TET2: variants seen among roughly 807,000 people sequenced by gnomAD.
TET2 encodes tet methylcytosine dioxygenase 2, also known as methylcytosine dioxygenase TET2.
A neutral mutation model predicts 142.9 loss-of-function variants in TET2; 299 were observed. The observed-to-expected ratio is 2.09, with a 90% confidence interval of 1.90 to 2.30. The LOEUF (loss-of-function observed/expected upper bound fraction) is 2.30. Among genes scored for constraint, TET2 ranks in the 30% most tolerant of loss-of-function variants. The pLI is 0.00. For synonymous variants in TET2, 819 were observed against 849.0 expected, an observed-to-expected ratio of 0.96 and a Z score of 0.61; for missense variants, 2,418 against 2,378.0, an observed-to-expected ratio of 1.02 and a Z score of -0.35.
intron 2 of TET2, among the ~76,000 whole-genome samples, chr4:105,202,919 T>G (rs1383779201): frequency 6.6e-6 from 1 of 152,208 alleles, no homozygotes; most frequent in Non-Finnish European, 1.5e-5. Flanking sequence ...ATATAAACAT[T>G]TCCTGGAACA....
chr4:105,205,900 C>T (rs1353574184), intron 2 of TET2, among the ~76,000 whole-genome samples: 2 of 152,194 alleles, frequency 1.3e-5, no homozygotes, highest in Non-Finnish European at 2.9e-5. Flanking sequence ...TCCTAAAGTG[C>T]TAGGATTACA....
rs1313045419 is a variant in TET2 at position 105,261,767 on chromosome 4, A to G, written c.3963A>G (p.Lys1321=). ...LLGDDPKEEE[K]LESHLQNLST... ...TTATTCACTTTATACAGGAAGAGAA[A>G]CTGGAGTCTCATTTGCAAAACCTGT... Residue 1321 remains lysine, a synonymous_variant, in exon 8 of 11, where the codon AAA becomes AAG. Coordinates refer to ENST00000380013, the MANE Select transcript of TET2 (RefSeq NM_001127208.3). 6.5e-6 allele frequency: 10 copies of G among 1,544,094 alleles called. No individual in the cohort carries two copies. Among genetic ancestry groups the G allele is most frequent in the Non-Finnish European group, 7.9e-6 (9 of 1,141,186 alleles).
chr4:105,197,360 A>C (rs1170270311), intron 2 of TET2, among the ~76,000 whole-genome samples: 2 of 152,262 alleles, frequency 1.3e-5, no homozygotes, highest in Non-Finnish European at 2.9e-5. Flanking sequence ...TGAGAAATAC[A>C]TGAATACAGA....
intron 1 of TET2, among the ~76,000 whole-genome samples, chr4:105,174,023 A>G (rs753137071): frequency 3.9e-5 from 6 of 152,234 alleles, no homozygotes; most frequent in Non-Finnish European, 8.8e-5. Context: ...CCCTATCAAC[A>G]TATATATTAA....
rs61328453 is a variant in TET2 at position 105,278,171 on chromosome 4, CATATATATATATATATAT to C, written c.*1667_*1684del. 11 of 114,130 alleles carry C rather than the reference CATATATATATATATATAT, an allele frequency of 9.6e-5. No homozygotes were observed. The highest frequency in any genetic ancestry group is 2.8e-4 in the South Asian group (1 of 3,590). The allele number at this position is 114,130 out of a possible 1,614,324, so 7.1% of individuals were successfully genotyped here. On this transcript the variant is annotated 3_prime_UTR_variant, in exon 11 of 11. Transcript: ENST00000380013. ...GTACTGTAAAAAAATTAAATATATA[CATATATATATATATATAT>C]ATATATATATATATGAGTTTGAAGC...
At chr4:105,244,584 A>AT (rs1237638072) in intron 6 of TET2, among the ~76,000 whole-genome samples, 9 of 116,712 alleles carry the variant, frequency 7.7e-5, no homozygotes, top group African/African-American at 1.4e-4. Flanking sequence ...CTACACAGAA[A>AT]TGTTTTTTTT....
chr4:105,211,753 G>A (rs1336297503), intron 2 of TET2, among the ~76,000 whole-genome samples: 1 of 152,118 alleles, frequency 6.6e-6, no homozygotes, highest in Non-Finnish European at 1.5e-5. Flanking sequence ...AGGCATAGAG[G>A]CAGAAGATGC....
chr4:105,271,246 A>G (rs931837914), intron 9 of TET2, among the ~76,000 whole-genome samples: 1 of 152,208 alleles, frequency 6.6e-6, no homozygotes, highest in Non-Finnish European at 1.5e-5. Flanking sequence ...GAACAAACAC[A>G]AGGCCTACCA....
At chr4:105,272,003 C>G (rs2726520) in intron 9 of TET2, among the ~76,000 whole-genome samples, 65,247 of 151,904 alleles carry the variant, frequency 0.43, 14,670 homozygotes, top group Non-Finnish European at 0.52. Context: ...TCAGCCAAAT[C>G]TTTACCTTTT....
chr4:105,240,845 A>C, intron 3 of TET2: 1 of 1,079,580 alleles, frequency 9.3e-7, no homozygotes, highest in South Asian at 4.5e-5. Flanking sequence ...AACAGCAATT[A>C]AATGTTATAG....
chr4:105,222,533 A>C (rs1727901953), intron 2 of TET2, among the ~76,000 whole-genome samples: 1 of 152,170 alleles, frequency 6.6e-6, no homozygotes, highest in Admixed American at 6.5e-5. Flanking sequence ...GTGTCTGTTC[A>C]TGTGCTTCGC....
chr4:105,237,629 T>G, intron 3 of TET2: 1 of 1,443,498 alleles, frequency 6.9e-7, no homozygotes, highest in Non-Finnish European at 9.1e-7. Flanking sequence ...ATGTATCTGT[T>G]TTAGATCAAT....
chr4:105,271,023 ACT>A (rs966962648), intron 9 of TET2, among the ~76,000 whole-genome samples: 4 of 151,744 alleles, frequency 2.6e-5, no homozygotes, highest in Non-Finnish European at 4.4e-5. Context: ...AGATTGGAAA[ACT>A]CTTCTCTATA....
intron 6 of TET2, among the ~76,000 whole-genome samples, chr4:105,256,441 G>C (rs922670475): frequency 2.6e-5 from 4 of 151,962 alleles, no homozygotes; most frequent in African/African-American, 9.7e-5. Context: ...CTGCCTTCTG[G>C]TCTTCATTGT....
chr4:105,211,672 G>A (rs992809990), intron 2 of TET2, among the ~76,000 whole-genome samples: 1 of 152,172 alleles, frequency 6.6e-6, no homozygotes, highest in Non-Finnish European at 1.5e-5. Context: ...AGGCTGTAAG[G>A]TGGAGGTGAA....
At chr4:105,260,374 ACTT>A (rs1406292100) in intron 7 of TET2, among the ~76,000 whole-genome samples, 3 of 152,108 alleles carry the variant, frequency 2.0e-5, no homozygotes, top group Admixed American at 6.6e-5. Context: ...GAGTATAGAT[ACTT>A]CTTGACTTAT....
chr4:105,207,649 C>G (rs1726909606), intron 2 of TET2, among the ~76,000 whole-genome samples: 1 of 152,130 alleles, frequency 6.6e-6, no homozygotes, highest in Non-Finnish European at 1.5e-5. Context: ...TTAGCGATTT[C>G]CTTGTTAACC....
chr4:105,168,704 C>G (rs1285140866), intron 1 of TET2, among the ~76,000 whole-genome samples: 1 of 152,064 alleles, frequency 6.6e-6, no homozygotes. Context: ...GTATACACTT[C>G]ACCCTATTCG....
chr4:105,211,317 A>G (rs1030539384), intron 2 of TET2, among the ~76,000 whole-genome samples: 1 of 152,156 alleles, frequency 6.6e-6, no homozygotes, highest in Non-Finnish European at 1.5e-5. Context: ...TCAGTCTGAA[A>G]TTGTTTGTTT....
Sources: allele counts gnomAD v4.1 joint callset (sites outside exome capture counted in the v4.1 genomes callset), GRCh38; gene constraint gnomAD v4.1.1; transcripts MANE v1.5; gene names NCBI Gene and HGNC (gene_info 2026-07-23, HGNC 2026-07-21).